SLC5A4: variants seen among roughly 807,000 people sequenced by gnomAD.
SLC5A4 encodes the protein solute carrier family 5 member 4, also known as probable glucose sensor protein SLC5A4.
SLC5A4 carries 55 observed loss-of-function variants against 70.3 expected under a neutral mutation model. The observed-to-expected ratio is 0.78, with a 90% confidence interval of 0.63 to 0.98. SLC5A4 has a LOEUF of 0.98. Ranked by LOEUF, SLC5A4 falls within the 50% of genes least tolerant of loss-of-function variation. The pLI, the probability that SLC5A4 is intolerant of heterozygous loss-of-function variation, is 0.00. For synonymous variants in SLC5A4, 268 were observed against 305.7 expected, an observed-to-expected ratio of 0.88 and a Z score of 1.29; for missense variants, 735 against 839.2, an observed-to-expected ratio of 0.88 and a Z score of 1.53.
At chr22:32,341,376 C>T in the SLC5A4 span, among the ~76,000 whole-genome samples, 2 of 152,188 alleles carry the variant, frequency 1.3e-5, no homozygotes, top group Admixed American at 6.5e-5. Context: ...GGGCAGAGGA[C>T]CCAGGGCTCC....
chr22:32,313,904 T>G, the SLC5A4 span, among the ~76,000 whole-genome samples: 1 of 152,058 alleles, frequency 6.6e-6, no homozygotes, highest in Non-Finnish European at 1.5e-5. Flanking sequence ...AGAAACTGGG[T>G]TCTGGTGGCA....
the SLC5A4 span, among the ~76,000 whole-genome samples, chr22:32,333,201 C>CCCA: frequency 6.8e-6 from 1 of 147,294 alleles, no homozygotes; most frequent in African/African-American, 2.5e-5. Flanking sequence ...CTGGCACCCC[C>CCCA]CCCCCAGAAG....
chr22:32,331,409 C>T, the SLC5A4 span, among the ~76,000 whole-genome samples: 21 of 152,096 alleles, frequency 1.4e-4, no homozygotes, highest in Non-Finnish European at 2.8e-4. Flanking sequence ...CAAACTCCCT[C>T]GCGCCCCAGT....
chr22:32,265,150 A>G, the SLC5A4 span, among the ~76,000 whole-genome samples: 1 of 152,220 alleles, frequency 6.6e-6, no homozygotes, highest in Admixed American at 6.5e-5. Context: ...CTGTTATCCC[A>G]GCACTTTGGA....
At chr22:32,311,539 G>T in the SLC5A4 span, among the ~76,000 whole-genome samples, 7 of 152,288 alleles carry the variant, frequency 4.6e-5, no homozygotes, top group African/African-American at 1.4e-4. Flanking sequence ...TGGATGTTAC[G>T]GGCATCTAGG....
intron 2 of SLC5A4, among the ~76,000 whole-genome samples, chr22:32,253,500 G>A (rs1450493747): frequency 6.6e-6 from 1 of 152,232 alleles, no homozygotes; most frequent in African/African-American, 2.4e-5. Context: ...CCTAACAAGA[G>A]GGCCAGCATC....
At chr22:32,327,156 A>G in the SLC5A4 span, 1 of 152,276 alleles carries the variant, frequency 6.6e-6, no homozygotes, top group African/African-American at 2.4e-5. Flanking sequence ...TCATTTCACC[A>G]GGAGACCTGG....
At chr22:32,253,454 G>A (rs920319900) in intron 2 of SLC5A4, among the ~76,000 whole-genome samples, 2 of 152,198 alleles carry the variant, frequency 1.3e-5, no homozygotes, top group Non-Finnish European at 2.9e-5. Context: ...CTGAGGTGAG[G>A]CATTGAAAGA....
upstream of SLC5A4, among the ~76,000 whole-genome samples, chr22:32,256,152 A>G (rs1049830520): frequency 2.6e-5 from 4 of 152,112 alleles, no homozygotes; most frequent in Admixed American, 1.3e-4. Context: ...CTTTGTCTCT[A>G]TAAAAATTAG....
upstream of SLC5A4, among the ~76,000 whole-genome samples, chr22:32,256,267 C>T (rs62241065): frequency 9.8e-3 from 1,492 of 152,078 alleles, 5 homozygotes; most frequent in Non-Finnish European, 0.015. Flanking sequence ...ATGATCACGC[C>T]GCTGCACTCT....
At chr22:32,270,475 C>T in the SLC5A4 span, 1 of 862,568 alleles carries the variant, frequency 1.2e-6, no homozygotes, top group Non-Finnish European at 1.9e-6. Context: ...GGGCACGGAG[C>T]AGGAACCCAG....
At chr22:32,284,624 G>A in the SLC5A4 span, 1 of 152,326 alleles carries the variant, frequency 6.6e-6, no homozygotes, top group Admixed American at 6.5e-5. Context: ...CACTCCAAGA[G>A]GCAAAGGCTG....
the SLC5A4 span, among the ~76,000 whole-genome samples, chr22:32,353,574 A>AG: frequency 2.0e-5 from 3 of 151,982 alleles, no homozygotes; most frequent in Non-Finnish European, 4.4e-5. Context: ...CACCAGCACC[A>AG]GGGGGGCAGC....
At chr22:32,304,444 TTTTTTC>T in the SLC5A4 span, among the ~76,000 whole-genome samples, 3 of 41,488 alleles carry the variant, frequency 7.2e-5, no homozygotes, top group African/African-American at 2.5e-4. Context: ...GCCCAGCTTG[TTTTTTC>T]TTTTTCTTTT....
the SLC5A4 span, chr22:32,273,185 A>G: frequency 2.4e-5 from 9 of 379,906 alleles, no homozygotes; most frequent in Non-Finnish European, 3.6e-5. Context: ...CAAGGAATAT[A>G]TACTTTCTGG....
At chr22:32,311,938 G>C in the SLC5A4 span, among the ~76,000 whole-genome samples, 3 of 152,120 alleles carry the variant, frequency 2.0e-5, no homozygotes, top group African/African-American at 7.2e-5. Flanking sequence ...GAGGTCAAAC[G>C]AGGGGTTGGT....
upstream of SLC5A4, among the ~76,000 whole-genome samples, chr22:32,259,791 T>A (rs1001097459): frequency 1.3e-5 from 2 of 152,246 alleles, no homozygotes; most frequent in Admixed American, 6.5e-5. Context: ...CCTTAATTGT[T>A]GGGTACCATT....
chr22:32,290,990 G>A, the SLC5A4 span, among the ~76,000 whole-genome samples: 3 of 152,044 alleles, frequency 2.0e-5, no homozygotes, highest in African/African-American at 7.2e-5. Flanking sequence ...ATGCTTGCTG[G>A]ATGTGTAGTG....
chr22:32,272,830 G>A, the SLC5A4 span: 15 of 513,200 alleles, frequency 2.9e-5, no homozygotes, highest in Admixed American at 2.5e-4. Flanking sequence ...TGGTGGCATC[G>A]GGCTGCTGCT....
Sources: allele counts gnomAD v4.1 joint callset (sites outside exome capture counted in the v4.1 genomes callset), GRCh38; gene constraint gnomAD v4.1.1; transcripts MANE v1.5; gene names NCBI Gene and HGNC (gene_info 2026-07-23, HGNC 2026-07-21).